Variants in SRC observed in about 807,000 individuals in gnomAD.
SRC encodes SRC proto-oncogene, non-receptor tyrosine kinase, also known as proto-oncogene tyrosine-protein kinase Src.
SRC carries 13 observed loss-of-function variants against 62.9 expected under a neutral mutation model. The ratio of observed to expected loss-of-function variants is 0.21; its 90% CI spans 0.13 to 0.33. The LOEUF is 0.33. Ranked by LOEUF, SRC falls within the 10% of genes least tolerant of loss-of-function variation. The pLI is 1.00. For missense variants in SRC, 457 were observed against 737.3 expected, an observed-to-expected ratio of 0.62 and a Z score of 4.40; for synonymous variants, 302 against 317.5, an observed-to-expected ratio of 0.95 and a Z score of 0.52.
intron 2 of SRC, among the ~76,000 whole-genome samples, chr20:37,365,747 C>T (rs1404607146): frequency 2.6e-5 from 4 of 152,096 alleles, no homozygotes; most frequent in African/African-American, 9.7e-5. Context: ...CCACACCCAG[C>T]CAGTTATTTA....
Position 37,403,778 on chromosome 20 carries a change from G to C in SRC, c.*399G>C. 1 of 279,568 alleles carries C rather than the reference G, an allele frequency of 3.6e-6. No individual in the cohort carries two copies. Among genetic ancestry groups the C allele is most frequent in the Non-Finnish European group, 6.9e-6 (1 of 145,448 alleles). The allele number at this position is 279,568 out of a possible 1,614,324, so 17.3% of individuals were successfully genotyped here. On this transcript the variant is annotated 3_prime_UTR_variant, in exon 14 of 14. Coordinates refer to ENST00000373578, the MANE Select transcript of SRC (RefSeq NM_198291.3). This position sits in a 1 kb window ranked among gnomAD's most constrained non-coding sequence, Gnocchi z 7.1. The stretch of plus-strand genomic sequence containing the variant: ...CTGTGCCACCCCCGGTCTATGTCGA[G>C]AGCTGGCCAAAGAGCCTTTCCAAAG...
chr20:37,382,236 G>A (rs1012499135), intron 2 of SRC, among the ~76,000 whole-genome samples: 1 of 148,136 alleles, frequency 6.8e-6, no homozygotes, highest in Non-Finnish European at 1.5e-5. Flanking sequence ...GACCTGTGAT[G>A]CCCCTAGCAC....
At chr20:37,372,852 CTTTG>C (rs756321623) in intron 2 of SRC, among the ~76,000 whole-genome samples, 30 of 151,238 alleles carry the variant, frequency 2.0e-4, no homozygotes, top group Admixed American at 3.3e-4. Flanking sequence ...AATTATTTTT[CTTTG>C]TTTGTCCTTT....
intron 2 of SRC, among the ~76,000 whole-genome samples, chr20:37,371,039 A>C (rs1350581580): frequency 7.3e-6 from 1 of 137,482 alleles, no homozygotes; most frequent in African/African-American, 2.8e-5. Context: ...CCCACGCTGG[A>C]GTGCAATGGC....
Position 37,403,323 on chromosome 20 carries a change from C to T in SRC, c.1555C>T (p.Leu519=). 1 of 1,607,164 alleles carries T rather than the reference C, an allele frequency of 6.2e-7. No individual in the cohort carries two copies. Among genetic ancestry groups the T allele is most frequent in the Non-Finnish European group, 8.5e-7 (1 of 1,177,480 alleles). The change falls in exon 14 of 14, where the codon CTG becomes TTG. Residue 519 remains leucine (L), a synonymous_variant. Transcript: ENST00000373578. This position sits in a 1 kb window ranked among gnomAD's most constrained non-coding sequence, Gnocchi z 7.1. ...RPTFEYLQAF[L]EDYFTSTEPQ... ...CACCTTCGAGTACCTGCAGGCCTTC[C>T]TGGAGGACTACTTCACGTCCACCGA...
intron 2 of SRC, among the ~76,000 whole-genome samples, chr20:37,367,150 GC>G (rs1293093560): frequency 1.4e-5 from 2 of 140,136 alleles, no homozygotes; most frequent in Non-Finnish European, 3.0e-5. Context: ...AAGGCTAACT[GC>G]AACCTCAAAC....
rs532013755 is a variant in SRC, at chr20:37,350,899, T to A, written c.-247+4644T>A. Among the ~76,000 whole-genome samples, 37 of 152,328 alleles carry A rather than the reference T, an allele frequency of 2.4e-4. No homozygotes were observed. In the South Asian group the frequency reaches 7.7e-3, roughly 32 times the overall value. On this transcript the variant is annotated intron_variant, in intron 1 of 13. Coordinates refer to ENST00000373578, the MANE Select transcript of SRC (RefSeq NM_198291.3). ...ATAAGAGAGTATTGTATGTGTGCCA[T>A]GAGTTTGTCATTCTTGATCTATTCT...
At chr20:37,385,514 TG>T (rs1353353730) in intron 4 of SRC, among the ~76,000 whole-genome samples, 2 of 103,080 alleles carry the variant, frequency 1.9e-5, no homozygotes, top group Non-Finnish European at 4.0e-5. Context: ...GAGGGAGGGC[TG>T]GGGGATGTGA....
chr20:37,390,170 A>C (rs1341167705), intron 5 of SRC, among the ~76,000 whole-genome samples: 1 of 152,148 alleles, frequency 6.6e-6, no homozygotes, highest in African/African-American at 2.4e-5. Flanking sequence ...GATTCTGTGA[A>C]TGTTGTCTGC....
At chr20:37,387,064 G>A (rs2070466727) in intron 5 of SRC, among the ~76,000 whole-genome samples, 1 of 152,134 alleles carries the variant, frequency 6.6e-6, no homozygotes, top group South Asian at 2.1e-4. Flanking sequence ...GGGGGCTGAC[G>A]CCTTCACGGG....
Position 37,402,257 on chromosome 20 carries a change from G to T in SRC, c.1117-178G>T. ...TCTGTGCCCTGTGCTCCCTACTCCC[G>T]CAGAGCACTGCTCCTGCTTTCGATG... On this transcript the variant is annotated intron_variant, in intron 11 of 13. Coordinates refer to ENST00000373578, the MANE Select transcript of SRC (RefSeq NM_198291.3). The surrounding 1 kb of genome is among the most constrained non-coding windows in gnomAD (Gnocchi z 6.2). 4.3e-6 allele frequency: 3 copies of T among 695,742 alleles called. No homozygotes were observed. Among genetic ancestry groups the T allele is most frequent in the Non-Finnish European group, 7.0e-6 (3 of 428,486 alleles). 43.1% of individuals were successfully genotyped at this position (695,742 alleles called of 1,614,324 possible).
chr20:37,368,384 C>A (rs117481304), intron 2 of SRC, among the ~76,000 whole-genome samples: 5,862 of 152,046 alleles, frequency 0.039, 165 homozygotes, highest in Non-Finnish European at 0.055. Flanking sequence ...CACCATTTTA[C>A]TTCAGCCTGG....
intron 1 of SRC, among the ~76,000 whole-genome samples, chr20:37,362,666 G>A (rs554585783): frequency 6.6e-6 from 1 of 151,944 alleles, no homozygotes; most frequent in South Asian, 2.1e-4. Context: ...CCCTGGCCTT[G>A]TGAGCTGCCC....
chr20:37,393,863 C>T (rs371630406), intron 5 of SRC, 32 bp from the exon 6 acceptor site: 1 of 1,559,232 alleles, frequency 6.4e-7, no homozygotes, highest in Non-Finnish European at 8.8e-7. Context: ...CGGCTCCCTT[C>T]TCCTTTCCTC....
At chr20:37,393,432 CATGGGGACACT>C (rs2070585988) in intron 5 of SRC, among the ~76,000 whole-genome samples, 1 of 152,250 alleles carries the variant, frequency 6.6e-6, no homozygotes, top group Non-Finnish European at 1.5e-5. Context: ...AATCTCAGAG[CATGGGGACACT>C]TTGTAGGTCT....
intron 2 of SRC, among the ~76,000 whole-genome samples, chr20:37,376,098 C>T (rs537286171): frequency 2.6e-5 from 4 of 152,238 alleles, no homozygotes; most frequent in Non-Finnish European, 5.9e-5. Flanking sequence ...GATGCACATT[C>T]AGTCCATAGT....
Position 37,384,237 on chromosome 20 carries a change from C to A in SRC, c.84C>A (p.Gly28=). ...CCGCCGAGAACGTGCACGGCGCTGGCGGGGGCGCTTTCCCCGCCTCGCAGA... is the reference window on the plus strand; with the variant it reads ...CCGCCGAGAACGTGCACGGCGCTGGAGGGGGCGCTTTCCCCGCCTCGCAGA... The part of the protein sequence containing the change: ...LEPAENVHGA[G]GGAFPASQTP... Residue 28 remains glycine (G), a synonymous_variant, in exon 4 of 14, where the codon GGC becomes GGA. Transcript: ENST00000373578. This position sits in a 1 kb window ranked among gnomAD's most constrained non-coding sequence, Gnocchi z 6.7. 6.4e-7 allele frequency: 1 copy of A among 1,572,020 alleles called. No individual in the cohort carries two copies. The highest frequency in any genetic ancestry group is 8.6e-7 in the Non-Finnish European group (1 of 1,166,546).
chr20:37,352,709 G>A (rs957958368), intron 1 of SRC, among the ~76,000 whole-genome samples: 1 of 152,150 alleles, frequency 6.6e-6, no homozygotes, highest in Non-Finnish European at 1.5e-5. Context: ...AGAGAGGCGG[G>A]GATGGGCTCG....
rs1252138081 is a variant in SRC at position 37,402,480 on chromosome 20, C to T, written c.1162C>T (p.Arg388Trp). 1.2e-6 allele frequency: 2 copies of T among 1,613,908 alleles called. No homozygotes were observed. The highest frequency in any genetic ancestry group is 1.7e-6 in the Non-Finnish European group (2 of 1,180,018). ...CGTGGAGCGGATGAACTACGTCCAC[C>T]GGGACCTTCGTGCAGCCAACATCCT... The part of the protein sequence containing the change: ...AYVERMNYVH[R>W]DLRAANILVG... Residue 388 changes from arginine (R) to tryptophan (W), a missense_variant, in exon 12 of 14, where the codon CGG becomes TGG. By Grantham distance (101) the Arg-to-Trp change is moderately radical. Coordinates refer to ENST00000373578, the MANE Select transcript of SRC (RefSeq NM_198291.3). The surrounding 1 kb of genome is among the most constrained non-coding windows in gnomAD (Gnocchi z 6.2).
Sources: gnomAD v4.1 joint callset for allele counts (sites outside exome capture counted in the v4.1 genomes callset) on GRCh38, gnomAD v4.1.1 for gene constraint, Gnocchi (gnomAD v3.1) non-coding constraint, MANE v1.5 for transcripts, NCBI Gene and HGNC (gene_info 2026-07-23, HGNC 2026-07-21) for gene names.